Variants in ALCAM observed in about 807,000 individuals in gnomAD.
ALCAM encodes the protein activated leukocyte cell adhesion molecule.
Under a neutral mutation model 70.9 loss-of-function variants are expected in ALCAM, and 30 were observed. The ratio of observed to expected loss-of-function variants is 0.42; its 90% confidence interval spans 0.32 to 0.57. The LOEUF (loss-of-function observed/expected upper bound fraction) is 0.57, where lower values mean the gene tolerates loss of function less well. ALCAM is among the 20% of genes least tolerant of loss of function. The pLI is 0.11. For synonymous variants in ALCAM, 249 were observed against 242.5 expected, an observed-to-expected ratio of 1.03 and a Z score of -0.25; for missense variants, 591 against 695.1, an observed-to-expected ratio of 0.85 and a Z score of 1.68.
At chr3:105,449,824 G>A (rs1937383633) in intron 1 of ALCAM, among the ~76,000 whole-genome samples, 1 of 152,072 alleles carries the variant, frequency 6.6e-6, no homozygotes, top group African/African-American at 2.4e-5. Flanking sequence ...GAGAAATAGA[G>A]GGGGAAAACC....
intron 1 of ALCAM, among the ~76,000 whole-genome samples, chr3:105,387,014 T>C (rs1050475869): frequency 4.0e-5 from 6 of 151,724 alleles, no homozygotes; most frequent in Non-Finnish European, 8.9e-5. Flanking sequence ...ACAGTTCAAA[T>C]TGACAAATTT....
chr3:105,523,118 C>G (rs1939589820), intron 2 of ALCAM, among the ~76,000 whole-genome samples: 2 of 115,250 alleles, frequency 1.7e-5, no homozygotes, highest in Non-Finnish European at 3.2e-5. Context: ...CCAGCCTGGG[C>G]GACAGAGCGA....
chr3:105,497,684 T>C (rs1355622827), intron 1 of ALCAM, among the ~76,000 whole-genome samples: 1 of 152,124 alleles, frequency 6.6e-6, no homozygotes, highest in Non-Finnish European at 1.5e-5. Flanking sequence ...GAAGATATAG[T>C]CACTGAACCC....
chr3:105,415,898 G>A (rs771225437), intron 1 of ALCAM, among the ~76,000 whole-genome samples: 4 of 152,026 alleles, frequency 2.6e-5, no homozygotes, highest in Non-Finnish European at 5.9e-5. Context: ...GGGGCCTAAA[G>A]AAAGTTTATT....
intron 8 of ALCAM, among the ~76,000 whole-genome samples, chr3:105,542,869 A>G (rs1347147118): frequency 6.6e-6 from 1 of 151,690 alleles, no homozygotes; most frequent in Non-Finnish European, 1.5e-5. Flanking sequence ...CCATTTCTCC[A>G]TTTACTCCTT....
At chr3:105,420,745 C>T (rs1178282124) in intron 1 of ALCAM, among the ~76,000 whole-genome samples, 1 of 151,430 alleles carries the variant, frequency 6.6e-6, no homozygotes, top group East Asian at 1.9e-4. Context: ...CAGAGTAGCA[C>T]AGATGACAGG....
rs760154866 is a variant in ALCAM at position 105,367,493 on chromosome 3, C to T, written c.73+12C>T. 2 of 1,613,956 alleles carry T rather than the reference C, an allele frequency of 1.2e-6. No homozygotes were observed. Among genetic ancestry groups the T allele is most frequent in the East Asian group, 4.5e-5 (2 of 44,868 alleles). On this transcript the variant is annotated intron_variant, in intron 1 of 15. Transcript: ENST00000306107. ...CGTCTTCAGGCCAGGTGAGCAAGGG[C>T]CTGGGAGCAGCCCCAGACAGACGTG... is the stretch of plus-strand genomic sequence containing the variant.
chr3:105,435,107 C>T (rs1937021247), intron 1 of ALCAM, among the ~76,000 whole-genome samples: 1 of 152,158 alleles, frequency 6.6e-6, no homozygotes, highest in East Asian at 1.9e-4. Flanking sequence ...GTTAATGACT[C>T]CTCAGGTCAT....
At chr3:105,422,444 G>A (rs192870586) in intron 1 of ALCAM, among the ~76,000 whole-genome samples, 12 of 151,446 alleles carry the variant, frequency 7.9e-5, no homozygotes, top group Non-Finnish European at 7.4e-5. Context: ...CTGAACTAAT[G>A]CACTTTTTGT....
At chr3:105,546,879 AC>A (rs1940261865) in intron 9 of ALCAM, among the ~76,000 whole-genome samples, 1 of 151,392 alleles carries the variant, frequency 6.6e-6, no homozygotes, top group Non-Finnish European at 1.5e-5. Context: ...ATTAAATGAT[AC>A]ATTTCCTTTG....
chr3:105,423,952 T>A (rs1576153998), intron 1 of ALCAM, among the ~76,000 whole-genome samples: 1 of 151,620 alleles, frequency 6.6e-6, no homozygotes, highest in Non-Finnish European at 1.5e-5. Flanking sequence ...CTAGTATGTT[T>A]TTAATGTATA....
intron 12 of ALCAM, 80 bp downstream of exon 12, chr3:105,550,339 C>A: frequency 7.6e-7 from 1 of 1,312,340 alleles, no homozygotes; most frequent in Admixed American, 2.3e-5. Context: ...TCAATTCCAT[C>A]TTCCTGTACT....
rs376803839 is a variant in ALCAM at position 105,552,391 on chromosome 3, A to G, written c.1547-77A>G. ...AGTGAGCTTTAGTCATTTTTAATAC[A>G]AAGTAATAGCTAGATTGACTTTCTG... On this transcript the variant is annotated intron_variant, in intron 13 of 15. Coordinates refer to ENST00000306107, the MANE Select transcript of ALCAM (RefSeq NM_001627.4). The G allele has an allele frequency of 3.4e-6, 5 of 1,467,588 alleles. No individual in the cohort carries two copies. In the South Asian group the frequency reaches 4.6e-5, roughly 14 times the overall value. The allele number at this position is 1,467,588 out of a possible 1,614,324, so 90.9% of individuals were successfully genotyped here. A position where few individuals can be genotyped will look rare whatever the true frequency, so the allele number is the denominator to read the frequency against.
intron 14 of ALCAM, chr3:105,552,844 T>G: frequency 2.4e-6 from 3 of 1,246,598 alleles, no homozygotes; most frequent in Non-Finnish European, 3.0e-6. Flanking sequence ...TTTGATTTTT[T>G]CAGTGCTTGA....
intron 1 of ALCAM, among the ~76,000 whole-genome samples, chr3:105,428,645 C>G (rs1044979853): frequency 6.6e-6 from 1 of 151,892 alleles, no homozygotes; most frequent in Non-Finnish European, 1.5e-5. Flanking sequence ...AATTCAAGAA[C>G]ACTGTATTTA....
At chr3:105,417,245 A>C (rs1352552349) in intron 1 of ALCAM, among the ~76,000 whole-genome samples, 7 of 151,672 alleles carry the variant, frequency 4.6e-5, no homozygotes, top group Non-Finnish European at 1.0e-4. Flanking sequence ...AGCTTTCCTG[A>C]TATCTTTCCA....
chr3:105,477,815 A>C (rs1327317665), intron 1 of ALCAM, among the ~76,000 whole-genome samples: 2 of 152,012 alleles, frequency 1.3e-5, no homozygotes, highest in Non-Finnish European at 2.9e-5. Flanking sequence ...TCTCTCTTGA[A>C]GTTTACTGAT....
chr3:105,457,700 A>C (rs1576176191), intron 1 of ALCAM, among the ~76,000 whole-genome samples: 1 of 152,210 alleles, frequency 6.6e-6, no homozygotes, highest in Non-Finnish European at 1.5e-5. Context: ...GGAAGAAGGC[A>C]CACATGACTA....
At chr3:105,509,946 A>AT (rs1182209258) in intron 1 of ALCAM, among the ~76,000 whole-genome samples, 7 of 151,570 alleles carry the variant, frequency 4.6e-5, no homozygotes, top group South Asian at 2.1e-4. Flanking sequence ...TTGGGGTGGG[A>AT]TTTTTTCATC....
Sources: allele counts gnomAD v4.1 joint callset (sites outside exome capture counted in the v4.1 genomes callset), GRCh38; gene constraint gnomAD v4.1.1; transcripts MANE v1.5; gene names NCBI Gene and HGNC (gene_info 2026-07-23, HGNC 2026-07-21).